SMOC2: variants seen among roughly 807,000 people sequenced by gnomAD.
SMOC2 encodes SPARC-related modular calcium-binding protein 2.
A neutral mutation model predicts 61.4 loss-of-function variants in SMOC2; 39 were observed. That is an observed-to-expected ratio of 0.64 (90% CI 0.49 to 0.83). The LOEUF is 0.83. Among genes scored for constraint, SMOC2 ranks in the 40% least tolerant of loss-of-function variants. SMOC2 has a pLI of 0.00. For missense variants in SMOC2, 556 were observed against 592.9 expected (o/e 0.94, Z 0.65); for synonymous variants, 247 against 239.9 (o/e 1.03, Z -0.27).
At chr6:168,648,151 A>T (rs2115269641) in intron 9 of SMOC2, among the ~76,000 whole-genome samples, 1 of 152,316 alleles carries the variant, frequency 6.6e-6, no homozygotes, top group Non-Finnish European at 1.5e-5. Flanking sequence ...AGTACTGAGG[A>T]TTATCTAAAA....
intron 9 of SMOC2, among the ~76,000 whole-genome samples, chr6:168,627,123 A>G (rs894458311): frequency 6.6e-6 from 1 of 152,116 alleles, no homozygotes; most frequent in African/African-American, 2.4e-5. Context: ...ACCATGAAAC[A>G]CACCCCCAGC....
intron 1 of SMOC2, among the ~76,000 whole-genome samples, chr6:168,499,919 T>C (rs1211680018): frequency 2.0e-5 from 3 of 152,148 alleles, no homozygotes; most frequent in African/African-American, 7.2e-5. Flanking sequence ...CAGAAGATTG[T>C]TAGGTTAAAG....
intron 4 of SMOC2, among the ~76,000 whole-genome samples, chr6:168,538,108 A>C (rs1198947755): frequency 1.5e-5 from 2 of 136,414 alleles, no homozygotes; most frequent in African/African-American, 2.9e-5. Flanking sequence ...CCGCTGCTGT[A>C]ATCTGGGGAG....
chr6:168,551,063 T>G (rs894658615), intron 7 of SMOC2, among the ~76,000 whole-genome samples: 1 of 152,180 alleles, frequency 6.6e-6, no homozygotes, highest in Non-Finnish European at 1.5e-5. Context: ...ATGAGGGCGG[T>G]TCCCCCCATG....
rs1303456167 is a variant in SMOC2 at position 168,452,965 on chromosome 6, G to C, written c.84+11511G>C. 2.6e-5 allele frequency among the ~76,000 whole-genome samples: 4 copies of C among 152,126 alleles called. 1 individual carries two copies. The highest frequency in any genetic ancestry group is 5.9e-5 in the Non-Finnish European group (4 of 68,034). On this transcript the variant is annotated intron_variant, in intron 1 of 12. Transcript: ENST00000356284. The surrounding 1 kb of genome is among the most constrained non-coding windows in gnomAD (Gnocchi z 5.0). ...AGGACCCCCTTCTCCCAGTGGCTCTGACAGCAGGGGCAGGACGCCCTCCTC... is the reference window on the plus strand; with the variant it reads ...AGGACCCCCTTCTCCCAGTGGCTCTCACAGCAGGGGCAGGACGCCCTCCTC...
At chr6:168,459,546 G>A (rs1056681444) in intron 1 of SMOC2, among the ~76,000 whole-genome samples, 2 of 150,750 alleles carry the variant, frequency 1.3e-5, no homozygotes, top group African/African-American at 4.9e-5. Flanking sequence ...GCCCCAGGGT[G>A]GGTGAGCCCT....
chr6:168,565,842 T>G (rs937997140), intron 7 of SMOC2, among the ~76,000 whole-genome samples: 7 of 152,154 alleles, frequency 4.6e-5, no homozygotes, highest in African/African-American at 1.7e-4. Context: ...TGATGTCTAG[T>G]AAAGAAAAGG....
In SMOC2 at chr6:168,535,252, G is replaced by C. The variant is rs1783705827; in HGVS notation, c.463+7525G>C. Reference sequence around the variant, plus strand: ...CCCAAAGTGCTGGGATTACAGGCAGGAGCCACCGTGCCCAGCCTCCAGAGA... The same window carrying C: ...CCCAAAGTGCTGGGATTACAGGCAGCAGCCACCGTGCCCAGCCTCCAGAGA... On this transcript the variant is annotated intron_variant, in intron 4 of 12. Coordinates refer to ENST00000356284, the MANE Select transcript of SMOC2 (RefSeq NM_001166412.2). This position sits in a 1 kb window ranked among gnomAD's most constrained non-coding sequence, Gnocchi z 4.6. Among the ~76,000 whole-genome samples the C allele has an allele frequency of 6.6e-6, 1 of 152,052 alleles. No homozygotes were observed. Among genetic ancestry groups the C allele is most frequent in the South Asian group, 2.1e-4 (1 of 4,814 alleles).
In SMOC2 at chr6:168,630,905, C is replaced by T. The variant is rs141009295; in HGVS notation, c.908-19776C>T. Reference sequence around the variant, plus strand: ...ACCTAATAAATTTTGATCAGACGGTCTGCTCTCAAAACCCTGTCTCCTGAT... The same window carrying T: ...ACCTAATAAATTTTGATCAGACGGTTTGCTCTCAAAACCCTGTCTCCTGAT... On this transcript the variant is annotated intron_variant, in intron 9 of 12. Transcript: ENST00000356284. Among the ~76,000 whole-genome samples, 434 of 152,320 alleles carry T rather than the reference C, an allele frequency of 2.8e-3. 1 individual carries two copies. Among genetic ancestry groups the T allele is most frequent in the Non-Finnish European group, 5.1e-3 (349 of 68,042 alleles).
At chr6:168,613,459 G>A (rs908335829) in intron 9 of SMOC2, among the ~76,000 whole-genome samples, 1 of 152,116 alleles carries the variant, frequency 6.6e-6, no homozygotes, top group African/African-American at 2.4e-5. Context: ...GATCCCCAGA[G>A]CTCTTCCGCC....
chr6:168,478,969 T>C (rs981920718), intron 1 of SMOC2, among the ~76,000 whole-genome samples: 1 of 148,584 alleles, frequency 6.7e-6, no homozygotes, highest in Non-Finnish European at 1.5e-5. Flanking sequence ...TTGAATGATT[T>C]ATGGTATCTG....
chr6:168,480,056 T>G lies in SMOC2; in HGVS notation c.85-29859T>G, dbSNP rs556273954. ...TTCATTTTACAGCTCAGTCTCATCC[T>G]TGGCACAGAGACAGCCCACAATAAG... is the stretch of plus-strand genomic sequence containing the variant. On this transcript the variant is annotated intron_variant, in intron 1 of 12. Transcript: ENST00000356284. Among the ~76,000 whole-genome samples, 3 of 152,066 alleles carry G rather than the reference T, an allele frequency of 2.0e-5. No individual in the cohort carries two copies. The South Asian group carries it at 6.2e-4, about 32-fold the overall frequency.
At chr6:168,595,144 G>A (rs1431310152) in intron 7 of SMOC2, among the ~76,000 whole-genome samples, 1 of 129,986 alleles carries the variant, frequency 7.7e-6, no homozygotes, top group African/African-American at 2.9e-5. Flanking sequence ...GCCTCACAAG[G>A]GGCATCTTTC....
chr6:168,643,570 A>T (rs1786946096), intron 9 of SMOC2, among the ~76,000 whole-genome samples: 1 of 152,062 alleles, frequency 6.6e-6, no homozygotes, highest in Admixed American at 6.5e-5. Context: ...TGAACGTGAC[A>T]CCAGTGCCCA....
intron 7 of SMOC2, among the ~76,000 whole-genome samples, chr6:168,557,893 A>T (rs1201181986): frequency 6.6e-6 from 1 of 152,200 alleles, no homozygotes; most frequent in Admixed American, 6.5e-5. Flanking sequence ...ATTTTTCAAA[A>T]TCTCTTAAGT....
chr6:168,519,554 A>C (rs1783276705), intron 2 of SMOC2, among the ~76,000 whole-genome samples: 1 of 152,172 alleles, frequency 6.6e-6, no homozygotes, highest in South Asian at 2.1e-4. Flanking sequence ...TCTCGTGTGC[A>C]GCCGTGATCA....
chr6:168,460,030 T>A (rs762903360), intron 1 of SMOC2, among the ~76,000 whole-genome samples: 29 of 152,218 alleles, frequency 1.9e-4, no homozygotes, highest in Non-Finnish European at 3.7e-4. Flanking sequence ...ACTAGAATTT[T>A]GAACTCTTTG....
intron 1 of SMOC2, among the ~76,000 whole-genome samples, chr6:168,444,832 A>C (rs1781295801): frequency 6.6e-6 from 1 of 152,288 alleles, no homozygotes; most frequent in East Asian, 1.9e-4. Context: ...TGATGGACTG[A>C]TCCATAAGCC....
At chr6:168,462,700 ATAGT>A (rs1472511160) in intron 1 of SMOC2, among the ~76,000 whole-genome samples, 2 of 152,164 alleles carry the variant, frequency 1.3e-5, no homozygotes, top group African/African-American at 4.8e-5. Context: ...GGGAGGAAGA[ATAGT>A]TAGTGACTTC....
Sources: gnomAD v4.1 joint callset for allele counts (sites outside exome capture counted in the v4.1 genomes callset) on GRCh38, gnomAD v4.1.1 for gene constraint, Gnocchi (gnomAD v3.1) non-coding constraint, MANE v1.5 for transcripts, NCBI Gene and HGNC (gene_info 2026-07-23, HGNC 2026-07-21) for gene names.